The following CCDC178 variants were observed in gnomAD, a reference collection of about 807,000 sequenced individuals.
CCDC178 encodes the protein coiled-coil domain containing 178.
Under a neutral mutation model 117.4 loss-of-function variants are expected in CCDC178, and 126 were observed. That is an observed-to-expected ratio of 1.07 (90% CI 0.93 to 1.24). The LOEUF is 1.24. Ranked by LOEUF, CCDC178 falls within the 50% of genes most tolerant of loss-of-function variation. CCDC178 has a pLI of 0.00. For missense variants in CCDC178, 1,030 were observed against 986.9 expected, an observed-to-expected ratio of 1.04 and a Z score of -0.59; for synonymous variants, 283 against 313.4, an observed-to-expected ratio of 0.90 and a Z score of 1.02.
intron 15 of CCDC178, among the ~76,000 whole-genome samples, chr18:33,228,320 TTTTG>T (rs1363095062): frequency 6.6e-6 from 1 of 152,198 alleles, no homozygotes; most frequent in Non-Finnish European, 1.5e-5. Context: ...TTTGAAGTTT[TTTTG>T]TTTGTTTTTT....
At chr18:33,394,963 ATATATATATATATATATATATATATG>A (rs1181685389) in intron 4 of CCDC178, among the ~76,000 whole-genome samples, 1 of 132,356 alleles carries the variant, frequency 7.6e-6, no homozygotes, top group African/African-American at 2.8e-5. Flanking sequence ...ATATATATAT[ATATATATATATATATATATATATATG>A]TATACATATA....
intron 20 of CCDC178, among the ~76,000 whole-genome samples, chr18:33,170,018 G>C (rs981485900): frequency 1.3e-5 from 2 of 151,860 alleles, no homozygotes; most frequent in African/African-American, 4.8e-5. Flanking sequence ...AATTCATTAA[G>C]TTCAAAGATG....
chr18:32,953,821 A>G (rs1231666731), intron 22 of CCDC178, among the ~76,000 whole-genome samples: 1 of 152,176 alleles, frequency 6.6e-6, no homozygotes, highest in African/African-American at 2.4e-5. Flanking sequence ...CTTTGTTATT[A>G]TATATTTACT....
rs201255278 is a variant in CCDC178, at chr18:33,389,500, G to A, written c.208+40C>T. ...AGACTAATGAGATAATATAAATATA[G>A]TTTATATAGTTTACTATATGATTTA... is the stretch of plus-strand genomic sequence containing the variant. On this transcript the variant is annotated intron_variant, in intron 5 of 22. Transcript: ENST00000383096. 9.6e-6 allele frequency: 9 copies of A among 938,998 alleles called. No individual in the cohort carries two copies. The African/African-American group carries it at 1.4e-4, about 14-fold the overall frequency. The allele number at this position is 938,998 out of a possible 1,614,324, so 58.2% of individuals were successfully genotyped here. A position where few individuals can be genotyped will look rare whatever the true frequency, so the allele number is the denominator to read the frequency against.
chr18:33,281,755 G>A (rs2060028550), intron 12 of CCDC178, among the ~76,000 whole-genome samples: 1 of 152,188 alleles, frequency 6.6e-6, no homozygotes, highest in African/African-American at 2.4e-5. Flanking sequence ...ATTCTTACCT[G>A]TGCTTCTTGT....
At chr18:33,240,343 C>T (rs555522072) in intron 15 of CCDC178, among the ~76,000 whole-genome samples, 28 of 150,914 alleles carry the variant, frequency 1.9e-4, no homozygotes, top group African/African-American at 6.6e-4. Flanking sequence ...CAAAACAAAC[C>T]CAAAGTTAGA....
chr18:33,109,327 T>C (rs2057749391), intron 20 of CCDC178, among the ~76,000 whole-genome samples: 1 of 151,656 alleles, frequency 6.6e-6, no homozygotes, highest in Admixed American at 6.6e-5. Context: ...CATAAAATGT[T>C]TAAAGAAATG....
intron 3 of CCDC178, among the ~76,000 whole-genome samples, chr18:33,398,095 C>A (rs1469950222): frequency 6.6e-6 from 1 of 151,756 alleles, no homozygotes; most frequent in Non-Finnish European, 1.5e-5. Context: ...ATCAAAAAAT[C>A]TAAAAATTAT....
At chr18:33,235,336 G>T (rs1334575345) in intron 15 of CCDC178, among the ~76,000 whole-genome samples, 1 of 152,104 alleles carries the variant, frequency 6.6e-6, no homozygotes, top group South Asian at 2.1e-4. Context: ...CTGAATCTTT[G>T]TTGGTCACAA....
At chr18:32,988,353 T>C (rs1472963179) in intron 21 of CCDC178, among the ~76,000 whole-genome samples, 1 of 151,766 alleles carries the variant, frequency 6.6e-6, no homozygotes, top group African/African-American at 2.4e-5. Flanking sequence ...GGAGAATCGC[T>C]TGAACCCAGG....
chr18:32,976,564 G>A (rs2055032562), intron 21 of CCDC178, among the ~76,000 whole-genome samples: 1 of 152,052 alleles, frequency 6.6e-6, no homozygotes, highest in Non-Finnish European at 1.5e-5. Context: ...CAGTGGACAA[G>A]GCTAAAGAAG....
At chr18:33,060,396 C>T (rs1351775174) in intron 21 of CCDC178, among the ~76,000 whole-genome samples, 13 of 152,032 alleles carry the variant, frequency 8.6e-5, no homozygotes, top group Admixed American at 5.2e-4. Context: ...ACATACTCTC[C>T]TCTAAGATAT....
At chr18:33,118,978 T>C (rs1300684477) in intron 20 of CCDC178, among the ~76,000 whole-genome samples, 1 of 152,196 alleles carries the variant, frequency 6.6e-6, no homozygotes, top group Admixed American at 6.5e-5. Flanking sequence ...GAAAACTGGC[T>C]AGCCATATGT....
At chr18:33,312,524 G>A (rs2062357068) in intron 11 of CCDC178, among the ~76,000 whole-genome samples, 1 of 152,136 alleles carries the variant, frequency 6.6e-6, no homozygotes, top group African/African-American at 2.4e-5. Context: ...GTTCATGAAA[G>A]ACGAGGAATT....
At chr18:33,235,039 A>G (rs1377046155) in intron 15 of CCDC178, among the ~76,000 whole-genome samples, 1 of 152,204 alleles carries the variant, frequency 6.6e-6, no homozygotes, top group African/African-American at 2.4e-5. Context: ...ATGCCCTCCA[A>G]GAAACTTTTG....
chr18:33,122,822 G>A lies in CCDC178; in HGVS notation c.2239-29912C>T, dbSNP rs925168398. Among the ~76,000 whole-genome samples, 6 of 152,124 alleles carry A rather than the reference G, an allele frequency of 3.9e-5. No homozygotes were observed. The South Asian group carries it at 1.0e-3, about 26-fold the overall frequency. ...TTAGCTATTTTAATATTGCTTTTAC[G>A]TGACTTATCAACTTCTTCTGGGCAA... On this transcript the variant is annotated intron_variant, in intron 20 of 22. Coordinates refer to ENST00000383096, the MANE Select transcript of CCDC178 (RefSeq NM_001105528.4).
chr18:33,358,530 T>C (rs2063087773), intron 6 of CCDC178, among the ~76,000 whole-genome samples: 1 of 151,884 alleles, frequency 6.6e-6, no homozygotes, highest in African/African-American at 2.4e-5. Flanking sequence ...TATGGCTGAT[T>C]TATAAGAAAT....
intron 11 of CCDC178, among the ~76,000 whole-genome samples, chr18:33,306,783 C>CTCA (rs2062261531): frequency 1.3e-5 from 2 of 151,824 alleles, no homozygotes; most frequent in African/African-American, 2.4e-5. Context: ...CTCCCATAAT[C>CTCA]CCCATGTGTC....
At chr18:32,977,832 AC>A (rs2055059800) in intron 21 of CCDC178, among the ~76,000 whole-genome samples, 1 of 152,202 alleles carries the variant, frequency 6.6e-6, no homozygotes, top group Non-Finnish European at 1.5e-5. Flanking sequence ...TCGGAACTAC[AC>A]CTATGAACAA....
Sources: gnomAD v4.1 joint callset for allele counts (sites outside exome capture counted in the v4.1 genomes callset) on GRCh38, gnomAD v4.1.1 for gene constraint, MANE v1.5 for transcripts, NCBI Gene and HGNC (gene_info 2026-07-23, HGNC 2026-07-21) for gene names.